Variants in TMEM117 observed in about 807,000 individuals in gnomAD.
TMEM117 encodes transmembrane protein 117.
A neutral mutation model predicts 52.4 loss-of-function variants in TMEM117; 27 were observed. The ratio of observed to expected loss-of-function variants is 0.51; its 90% confidence interval spans 0.38 to 0.71. The LOEUF is 0.71. TMEM117 is among the 30% of genes least tolerant of loss of function. The probability of loss-of-function intolerance (pLI) is 0.00; values close to 1 mark genes in which losing one functional copy is unlikely to be tolerated. For missense variants in TMEM117, 556 were observed against 630.5 expected, an observed-to-expected ratio of 0.88 and a Z score of 1.26; for synonymous variants, 215 against 206.3, an observed-to-expected ratio of 1.04 and a Z score of -0.36.
intron 6 of TMEM117, among the ~76,000 whole-genome samples, chr12:44,327,929 T>A (rs1951218260): frequency 6.6e-6 from 1 of 152,134 alleles, no homozygotes; most frequent in Non-Finnish European, 1.5e-5. Context: ...TTAAGGAAAA[T>A]GCATCCCACC....
chr12:44,126,655 A>G (rs189991835), intron 3 of TMEM117, among the ~76,000 whole-genome samples: 2 of 152,346 alleles, frequency 1.3e-5, no homozygotes, highest in Admixed American at 6.5e-5. Context: ...TAGTTGCAGT[A>G]TTTGGCTCTG....
At chr12:44,284,026 G>T (rs114732932) in intron 5 of TMEM117, among the ~76,000 whole-genome samples, 2,063 of 152,178 alleles carry the variant, frequency 0.014, 46 homozygotes, top group African/African-American at 0.047. Flanking sequence ...TGTAAGAAGT[G>T]CCTTTTGGCC....
intron 2 of TMEM117, among the ~76,000 whole-genome samples, chr12:43,916,351 C>G (rs1411402494): frequency 6.6e-6 from 1 of 152,128 alleles, no homozygotes; most frequent in Admixed American, 6.5e-5. Context: ...AAAAAATTCT[C>G]TAGTAATCTG....
At chr12:43,886,240 G>A (rs931187875) in intron 2 of TMEM117, among the ~76,000 whole-genome samples, 4 of 152,040 alleles carry the variant, frequency 2.6e-5, no homozygotes, top group Non-Finnish European at 5.9e-5. Context: ...GGAATATAAG[G>A]GACATATAGA....
At chr12:44,362,216 G>C (rs943481869) in intron 6 of TMEM117, among the ~76,000 whole-genome samples, 8 of 152,070 alleles carry the variant, frequency 5.3e-5, no homozygotes, top group African/African-American at 1.7e-4. Context: ...CAGACCTGAT[G>C]GTAAACCTCT....
chr12:43,836,864 A>G (rs1299496754), intron 1 of TMEM117, among the ~76,000 whole-genome samples: 1 of 152,122 alleles, frequency 6.6e-6, no homozygotes, highest in Non-Finnish European at 1.5e-5. Context: ...AGGAACCAAA[A>G]AGGAAAAAAA....
intron 6 of TMEM117, among the ~76,000 whole-genome samples, chr12:44,354,845 T>C (rs1951622345): frequency 6.6e-6 from 1 of 152,000 alleles, no homozygotes; most frequent in African/African-American, 2.4e-5. Flanking sequence ...ACAAAGTGCT[T>C]TTAATTCGGA....
chr12:44,361,791 A>C lies in TMEM117; in HGVS notation c.769-14804A>C, dbSNP rs115807826. Among the ~76,000 whole-genome samples the C allele has an allele frequency of 6.8e-3, 1,018 of 150,334 alleles. 11 individuals are homozygous for C. The highest frequency in any genetic ancestry group is 0.022 in the African/African-American group (855 of 39,738). Reference sequence around the variant, plus strand: ...ATAGTCAAGAAGAGTTACATACACAAAAAAAAATTGTGCCATTGTGATAGG... The same window carrying C: ...ATAGTCAAGAAGAGTTACATACACACAAAAAAATTGTGCCATTGTGATAGG... On this transcript the variant is annotated intron_variant, in intron 6 of 7. Coordinates refer to ENST00000266534, the MANE Select transcript of TMEM117 (RefSeq NM_032256.3).
intron 2 of TMEM117, among the ~76,000 whole-genome samples, chr12:43,885,008 T>C (rs1473236804): frequency 6.6e-6 from 1 of 152,246 alleles, no homozygotes; most frequent in African/African-American, 2.4e-5. Context: ...CTGCTTTCTC[T>C]AATAAATCTG....
intron 6 of TMEM117, among the ~76,000 whole-genome samples, chr12:44,368,168 A>G (rs971339536): frequency 1.1e-4 from 17 of 152,224 alleles, no homozygotes; most frequent in South Asian, 1.0e-3. Context: ...CACAAAGGTC[A>G]TCTTCAGAGA....
chr12:44,137,227 T>G (rs2138185114), intron 3 of TMEM117, among the ~76,000 whole-genome samples: 1 of 152,132 alleles, frequency 6.6e-6, no homozygotes. Context: ...GTCAAAGTAT[T>G]ATGACAACAC....
chr12:44,126,643 G>T (rs573657368), intron 3 of TMEM117, among the ~76,000 whole-genome samples: 2 of 152,238 alleles, frequency 1.3e-5, no homozygotes, highest in Non-Finnish European at 2.9e-5. Flanking sequence ...TACACAGTGC[G>T]CTAGTTGCAG....
intron 4 of TMEM117, among the ~76,000 whole-genome samples, chr12:44,162,923 G>A (rs1458520534): frequency 6.6e-6 from 1 of 152,192 alleles, no homozygotes; most frequent in Non-Finnish European, 1.5e-5. Context: ...GATGTGATCA[G>A]TGTATTTTGA....
intron 4 of TMEM117, among the ~76,000 whole-genome samples, chr12:44,205,671 C>T (rs1481576493): frequency 6.6e-6 from 1 of 152,094 alleles, no homozygotes; most frequent in Non-Finnish European, 1.5e-5. Flanking sequence ...AAAAGCTCAA[C>T]ATCACTAATC....
At chr12:44,101,929 G>A (rs971632305) in intron 3 of TMEM117, among the ~76,000 whole-genome samples, 2 of 151,944 alleles carry the variant, frequency 1.3e-5, no homozygotes, top group African/African-American at 2.4e-5. Flanking sequence ...AGGAAATAGG[G>A]CGTATGTAAC....
At chr12:44,074,449 G>T (rs1947350221) in intron 3 of TMEM117, among the ~76,000 whole-genome samples, 1 of 151,998 alleles carries the variant, frequency 6.6e-6, no homozygotes, top group Admixed American at 6.6e-5. Flanking sequence ...TCTCAGTCTT[G>T]CAAATGCTAT....
chr12:43,853,640 A>G (rs1339959934), intron 2 of TMEM117, among the ~76,000 whole-genome samples: 2 of 152,236 alleles, frequency 1.3e-5, no homozygotes, highest in Non-Finnish European at 2.9e-5. Context: ...AAAATAAGAC[A>G]TGGTCTCTGA....
chr12:44,324,358 G>A (rs1188688857), intron 6 of TMEM117, among the ~76,000 whole-genome samples: 2 of 151,956 alleles, frequency 1.3e-5, no homozygotes, highest in East Asian at 3.9e-4. Flanking sequence ...ACATATTAGA[G>A]CCTGTTTACA....
intron 3 of TMEM117, among the ~76,000 whole-genome samples, chr12:43,947,830 A>C (rs1945157648): frequency 6.6e-6 from 1 of 152,144 alleles, no homozygotes; most frequent in South Asian, 2.1e-4. Context: ...TCCAAACTGG[A>C]GGAGTTCAGG....
Sources: gnomAD v4.1 joint callset for allele counts (sites outside exome capture counted in the v4.1 genomes callset) on GRCh38, gnomAD v4.1.1 for gene constraint, MANE v1.5 for transcripts, NCBI Gene and HGNC (gene_info 2026-07-23, HGNC 2026-07-21) for gene names.